The following THRAP3 variants were observed in gnomAD, a reference collection of about 807,000 sequenced individuals.
THRAP3 encodes thyroid hormone receptor-associated protein 3.
A neutral mutation model predicts 101.0 loss-of-function variants in THRAP3; 16 were observed. The ratio of observed to expected loss-of-function variants is 0.16; its 90% confidence interval spans 0.11 to 0.24. The LOEUF (loss-of-function observed/expected upper bound fraction) is 0.24, where lower values mean the gene tolerates loss of function less well. Among genes scored for constraint, THRAP3 ranks in the 10% least tolerant of loss-of-function variants. The probability of loss-of-function intolerance (pLI) is 1.00; values close to 1 mark genes in which losing one functional copy is unlikely to be tolerated. For synonymous variants in THRAP3, 407 were observed against 422.6 expected (o/e 0.96, Z 0.45); for missense variants, 989 against 1,202.7 (o/e 0.82, Z 2.63).
intron 1 of THRAP3, among the ~76,000 whole-genome samples, chr1:36,235,769 A>G (rs867343405): frequency 6.6e-6 from 1 of 152,184 alleles, no homozygotes; most frequent in Non-Finnish European, 1.5e-5. Flanking sequence ...TAATCATTAC[A>G]GTATTATTTA....
intron 1 of THRAP3, among the ~76,000 whole-genome samples, chr1:36,245,209 C>T (rs1169211904): frequency 2.0e-5 from 3 of 150,978 alleles, no homozygotes; most frequent in Non-Finnish European, 4.4e-5. Context: ...CTCTGTTGCC[C>T]GGTCTGGAGT....
chr1:36,274,625 C>CTTTTTTTTTTTTTT (rs573419051), intron 2 of THRAP3, among the ~76,000 whole-genome samples: 1 of 59,320 alleles, frequency 1.7e-5, no homozygotes, highest in Non-Finnish European at 3.0e-5. Flanking sequence ...ATTAATTGGG[C>CTTTTTTTTTTTTTT]TTTTTTTTTT....
chr1:36,255,614 CA>C (rs564844053), intron 1 of THRAP3, among the ~76,000 whole-genome samples: 15 of 145,680 alleles, frequency 1.0e-4, no homozygotes, highest in South Asian at 2.2e-4. Context: ...ACTAAAAATA[CA>C]AAAAAAAAAT....
intron 1 of THRAP3, among the ~76,000 whole-genome samples, chr1:36,249,685 A>AGTGTGTGTGTGTGTGTGTGTGTGTGT (rs66759336): frequency 1.4e-5 from 2 of 138,114 alleles, no homozygotes; most frequent in Non-Finnish European, 3.1e-5. Context: ...GCAGGTGGTG[A>AGTGTGTGTGTGTGTGTGTGTGTGTGT]GTGTGTGTGT....
chr1:36,289,780 T>C lies in THRAP3; in HGVS notation c.1745+16T>C, dbSNP rs115280424. 2.0e-3 allele frequency: 3,099 copies of C among 1,578,126 alleles called. 43 individuals carry two copies. The African/African-American group carries it at 0.035, about 18-fold the overall frequency. ...ACCTCGCACGGTGAGATATGCTCCT[T>C]CTTGATCCTCAGTGCTTTAGTGGCC... On this transcript the variant is annotated intron_variant, in intron 5 of 11. Transcript: ENST00000354618.
intron 2 of THRAP3, among the ~76,000 whole-genome samples, chr1:36,282,235 C>CTT (rs34587417): frequency 3.6e-5 from 5 of 137,358 alleles, no homozygotes; most frequent in East Asian, 4.1e-4. Flanking sequence ...CACTTTCTCT[C>CTT]TTTTTTTTTT....
chr1:36,257,519 A>G (rs982578662), intron 1 of THRAP3, among the ~76,000 whole-genome samples: 3 of 152,188 alleles, frequency 2.0e-5, no homozygotes, highest in East Asian at 1.9e-4. Context: ...GAGGCTGACA[A>G]GTATGCCTGT....
chr1:36,270,390 GACACACAC>G (rs766697376), intron 2 of THRAP3, among the ~76,000 whole-genome samples: 75 of 151,506 alleles, frequency 5.0e-4, no homozygotes, highest in African/African-American at 1.6e-3. Flanking sequence ...GTGAGACCCT[GACACACAC>G]ACACACGCAC....
intron 2 of THRAP3, 25 bp from the exon 3 acceptor site, chr1:36,282,508 G>C (rs1645745917): frequency 2.6e-6 from 4 of 1,558,034 alleles, no homozygotes; most frequent in Admixed American, 3.4e-5. Context: ...TCACTCATTT[G>C]TTCTAATGCA....
intron 9 of THRAP3, among the ~76,000 whole-genome samples, chr1:36,298,269 C>A (rs1281462207): frequency 6.6e-6 from 1 of 151,940 alleles, no homozygotes; most frequent in Non-Finnish European, 1.5e-5. Context: ...CTTTTGGGGC[C>A]GCCCATAGAT....
Position 36,293,871 on chromosome 1 carries a change from G to A in THRAP3, c.2051G>A (p.Ser684Asn). The stretch of plus-strand genomic sequence containing the variant: ...TTTAGGAGAATAGACATTTCCCCCA[G>A]TACATTCAGAAAACATGGTTTGGCT... ...EIHRRIDISP[S>N]TFRKHGLAHD... Residue 684 changes from serine (S) to asparagine (N), a missense_variant, in exon 8 of 12, where the codon AGT becomes AAT. Coordinates refer to ENST00000354618, the MANE Select transcript of THRAP3 (RefSeq NM_005119.4). 6.2e-7 allele frequency: 1 copy of A among 1,613,590 alleles called. No homozygotes were observed. Among genetic ancestry groups the A allele is most frequent in the Non-Finnish European group, 8.5e-7 (1 of 1,179,666 alleles).
chr1:36,209,487 G>A, the THRAP3 span, among the ~76,000 whole-genome samples: 1 of 152,144 alleles, frequency 6.6e-6, no homozygotes, highest in Non-Finnish European at 1.5e-5. Flanking sequence ...TCGGGGTTGT[G>A]ACAACCACAA....
the THRAP3 span, among the ~76,000 whole-genome samples, chr1:36,213,715 C>T: frequency 3.3e-3 from 497 of 151,802 alleles, 3 homozygotes; most frequent in African/African-American, 0.011. Flanking sequence ...GGCATGGTGG[C>T]GTGCGCCTGT....
rs201704563 is a variant in THRAP3, at chr1:36,282,659, C to G, written c.96C>G (p.Ser32=). The G allele has an allele frequency of 6.2e-7, 1 of 1,614,096 alleles. No individual in the cohort carries two copies. The highest frequency in any genetic ancestry group is 1.1e-5 in the South Asian group (1 of 91,084). Residue 32 remains serine (S), a synonymous_variant, in exon 3 of 12, where the codon TCC becomes TCG. Transcript: ENST00000354618. The part of the protein sequence containing the change: ...SRSRSFSKSR[S]RSRSLSRSRK... ...CTCGTTCATTTTCGAAGTCTCGGTC[C>G]CGAAGCCGATCTCTCTCTCGTTCAA...
intron 2 of THRAP3, among the ~76,000 whole-genome samples, chr1:36,274,483 G>A (rs962347198): frequency 6.6e-5 from 10 of 152,014 alleles, no homozygotes; most frequent in Non-Finnish European, 1.5e-4. Flanking sequence ...GAGAAAAGTT[G>A]GAGGACTCAC....
At chr1:36,232,275 C>G (rs1311056164) in intron 1 of THRAP3, among the ~76,000 whole-genome samples, 2 of 152,036 alleles carry the variant, frequency 1.3e-5, no homozygotes, top group Non-Finnish European at 2.9e-5. Context: ...TAAGATGACC[C>G]TTTACATAGC....
intron 7 of THRAP3, 75 bp downstream of exon 7, chr1:36,292,784 T>C: frequency 8.7e-7 from 1 of 1,147,652 alleles, no homozygotes; most frequent in Non-Finnish European, 1.3e-6. Context: ...CTTGTTAAAT[T>C]CTGCTGCTAA....
At chr1:36,271,919 G>A (rs1387880429) in intron 2 of THRAP3, among the ~76,000 whole-genome samples, 2 of 151,876 alleles carry the variant, frequency 1.3e-5, no homozygotes, top group Non-Finnish European at 2.9e-5. Context: ...TAATAGAGAT[G>A]GGGTTTTCCC....
chr1:36,275,602 A>AG lies in THRAP3; in HGVS notation c.-31-6931_-31-6930insG, dbSNP rs1553122396. Among the ~76,000 whole-genome samples, 28 of 126,954 alleles carry AG rather than the reference A, an allele frequency of 2.2e-4. 8 individuals carry two copies. Among genetic ancestry groups the AG allele is most frequent in the Admixed American group, 5.1e-4 (6 of 11,756 alleles). The allele number at this position is 126,954 out of a possible 152,430, so 83.3% of individuals were successfully genotyped here. ...ACTCTGTCTCAAAAAAAAAAAAAAA[A>AG]AAGTCTTCTTTTTTTTTTTTCTTTT... On this transcript the variant is annotated intron_variant, in intron 2 of 11. Coordinates refer to ENST00000354618, the MANE Select transcript of THRAP3 (RefSeq NM_005119.4).
Sources: allele counts gnomAD v4.1 joint callset (sites outside exome capture counted in the v4.1 genomes callset), GRCh38; gene constraint gnomAD v4.1.1; transcripts MANE v1.5; gene names NCBI Gene and HGNC (gene_info 2026-07-23, HGNC 2026-07-21).